The following NKAIN2 variants were observed in gnomAD, a reference collection of about 807,000 sequenced individuals.
The protein encoded by NKAIN2 is sodium/potassium transporting ATPase interacting 2.
NKAIN2 carries 14 observed loss-of-function variants against 32.6 expected under a neutral mutation model. The observed-to-expected ratio is 0.43, with a 90% CI of 0.28 to 0.67. The LOEUF (loss-of-function observed/expected upper bound fraction) is 0.67, where lower values mean the gene tolerates loss of function less well. NKAIN2 is among the 30% of genes least tolerant of loss of function. The pLI is 0.17. For missense variants in NKAIN2, 198 were observed against 258.3 expected, an observed-to-expected ratio of 0.77 and a Z score of 1.60; for synonymous variants, 80 against 87.2, an observed-to-expected ratio of 0.92 and a Z score of 0.46.
At chr6:124,685,621 T>G (rs974202699) in intron 4 of NKAIN2, among the ~76,000 whole-genome samples, 1 of 152,182 alleles carries the variant, frequency 6.6e-6, no homozygotes, top group Admixed American at 6.6e-5. Flanking sequence ...TTGGCTATAT[T>G]ATGAAATGCT....
chr6:124,668,479 T>C (rs1212609943), intron 4 of NKAIN2, among the ~76,000 whole-genome samples: 1 of 152,092 alleles, frequency 6.6e-6, no homozygotes, highest in Non-Finnish European at 1.5e-5. Flanking sequence ...TAGCAATTCG[T>C]CTTTACTTTC....
In NKAIN2 at chr6:124,800,459, G is replaced by A. The variant is rs142465411; in HGVS notation, c.535+9060G>A. ...GCAGAAGATACTCACGGAGGCCTCCGCTATGACTGGTTGGCGTTGTGTGGC... is the reference window on the plus strand; with the variant it reads ...GCAGAAGATACTCACGGAGGCCTCCACTATGACTGGTTGGCGTTGTGTGGC... On this transcript the variant is annotated intron_variant, in intron 5 of 6. Transcript: ENST00000368417. Among the ~76,000 whole-genome samples, 740 of 152,296 alleles carry A rather than the reference G, an allele frequency of 4.9e-3. 4 individuals are homozygous for A. Among genetic ancestry groups the A allele is most frequent in the Non-Finnish European group, 8.4e-3 (571 of 68,022 alleles).
chr6:123,938,443 T>G (rs1188006120), intron 1 of NKAIN2, among the ~76,000 whole-genome samples: 1 of 39,378 alleles, frequency 2.5e-5, no homozygotes, highest in Non-Finnish European at 4.3e-5. Context: ...TATATATATA[T>G]ATATATATAC....
At chr6:124,553,292 A>G (rs181671736) in intron 3 of NKAIN2, among the ~76,000 whole-genome samples, 3 of 152,208 alleles carry the variant, frequency 2.0e-5, no homozygotes, top group Admixed American at 6.5e-5. Context: ...TGCCAAACGT[A>G]TACAGGATTT....
chr6:124,792,620 G>A (rs752559556), intron 5 of NKAIN2, among the ~76,000 whole-genome samples: 4 of 152,098 alleles, frequency 2.6e-5, no homozygotes, highest in Non-Finnish European at 5.9e-5. Flanking sequence ...TGTAGTGCAC[G>A]CTGTGGGTAA....
intron 3 of NKAIN2, among the ~76,000 whole-genome samples, chr6:124,412,450 G>T (rs997767273): frequency 6.6e-6 from 1 of 152,286 alleles, no homozygotes; most frequent in East Asian, 1.9e-4. Context: ...TCTAGACCCT[G>T]TTTGCCTGGG....
intron 1 of NKAIN2, among the ~76,000 whole-genome samples, chr6:124,216,117 C>CAAAAA (rs1199794463): frequency 1.6e-5 from 1 of 63,904 alleles, no homozygotes; most frequent in African/African-American, 5.2e-5. Context: ...AACTCTGTCT[C>CAAAAA]AAAAAAAAAA....
chr6:124,128,653 A>G (rs955114600), intron 1 of NKAIN2, among the ~76,000 whole-genome samples: 1 of 152,232 alleles, frequency 6.6e-6, no homozygotes, highest in East Asian at 1.9e-4. Flanking sequence ...CCTAGTTAGT[A>G]TATTTACAGA....
chr6:124,507,333 C>G (rs769409864), intron 3 of NKAIN2, among the ~76,000 whole-genome samples: 3 of 152,126 alleles, frequency 2.0e-5, no homozygotes, highest in Non-Finnish European at 4.4e-5. Flanking sequence ...AAGTAAATGA[C>G]TAAAGCTTCG....
chr6:124,244,625 C>T (rs1250362995), intron 1 of NKAIN2, among the ~76,000 whole-genome samples: 2 of 151,940 alleles, frequency 1.3e-5, no homozygotes, highest in Admixed American at 6.6e-5. Flanking sequence ...AACGGGTATC[C>T]ACCACCACTC....
chr6:124,092,128 T>C (rs546651923), intron 1 of NKAIN2, among the ~76,000 whole-genome samples: 1 of 152,202 alleles, frequency 6.6e-6, no homozygotes, highest in East Asian at 1.9e-4. Flanking sequence ...ATAAAAATAA[T>C]TGCTTTCTAT....
chr6:124,368,718 C>A (rs1799625507), intron 3 of NKAIN2, among the ~76,000 whole-genome samples: 1 of 152,148 alleles, frequency 6.6e-6, no homozygotes, highest in African/African-American at 2.4e-5. Flanking sequence ...GTTACTCATT[C>A]AAAGGCATAC....
intron 1 of NKAIN2, among the ~76,000 whole-genome samples, chr6:124,202,453 AAG>A (rs1333225731): frequency 6.6e-6 from 1 of 151,376 alleles, no homozygotes; most frequent in Non-Finnish European, 1.5e-5. Flanking sequence ...GAGTGAATAA[AAG>A]AATATACATT....
chr6:124,006,218 A>G (rs1422844535), intron 1 of NKAIN2, among the ~76,000 whole-genome samples: 1 of 152,210 alleles, frequency 6.6e-6, no homozygotes, highest in Non-Finnish European at 1.5e-5. Context: ...TTACACAGGA[A>G]CATATATCCT....
chr6:123,825,735 T>C (rs2114900176), intron 1 of NKAIN2, among the ~76,000 whole-genome samples: 1 of 152,242 alleles, frequency 6.6e-6, no homozygotes, highest in South Asian at 2.1e-4. Context: ...CCTCATTTTG[T>C]CATCTATTAA....
At chr6:123,925,389 A>G (rs776312921) in intron 1 of NKAIN2, among the ~76,000 whole-genome samples, 51 of 152,302 alleles carry the variant, frequency 3.3e-4, no homozygotes, top group Non-Finnish European at 6.2e-4. Flanking sequence ...CTATAAAACA[A>G]AGTGGATTTG....
Position 124,711,612 on chromosome 6 carries a change from G to A in NKAIN2, c.474+53226G>A, listed in dbSNP as rs1179653240. Among the ~76,000 whole-genome samples, 73 of 149,780 alleles carry A rather than the reference G, an allele frequency of 4.9e-4. No homozygotes were observed. The East Asian group carries it at 7.5e-3, about 15-fold the overall frequency. On this transcript the variant is annotated intron_variant, in intron 4 of 6. Coordinates refer to ENST00000368417, the MANE Select transcript of NKAIN2 (RefSeq NM_001040214.3). ...ACCCTTTCTTCCAGTTGATCGCATC[G>A]GCTCCTGAGGCTTCTGCATTCTTCA...
At chr6:124,661,620 A>T (rs1266464180) in intron 4 of NKAIN2, among the ~76,000 whole-genome samples, 1 of 152,174 alleles carries the variant, frequency 6.6e-6, no homozygotes, top group East Asian at 1.9e-4. Flanking sequence ...TATTAATCAC[A>T]CAGCTTCCAG....
intron 1 of NKAIN2, among the ~76,000 whole-genome samples, chr6:123,988,897 G>GTA (rs1243275935): frequency 6.9e-6 from 1 of 144,522 alleles, no homozygotes; most frequent in Non-Finnish European, 1.5e-5. Flanking sequence ...GTGTGTGTGT[G>GTA]TGTGTGTGTA....
Sources: gnomAD v4.1 joint callset for allele counts (sites outside exome capture counted in the v4.1 genomes callset) on GRCh38, gnomAD v4.1.1 for gene constraint, MANE v1.5 for transcripts, NCBI Gene and HGNC (gene_info 2026-07-23, HGNC 2026-07-21) for gene names.